SUCLG2: variants seen among roughly 807,000 people sequenced by gnomAD.
SUCLG2 encodes succinate--CoA ligase [GDP-forming] subunit beta, mitochondrial.
In SUCLG2, 42 loss-of-function variants were observed where a neutral mutation model predicts 47.9. That is an observed-to-expected ratio of 0.88 (90% CI 0.69 to 1.14). The LOEUF (loss-of-function observed/expected upper bound fraction) is 1.14. Ranked by LOEUF, SUCLG2 falls within the 50% of genes most tolerant of loss-of-function variation. The probability of loss-of-function intolerance (pLI) is 0.00; values close to 1 mark genes in which losing one functional copy is unlikely to be tolerated. For synonymous variants in SUCLG2, 195 were observed against 197.3 expected (o/e 0.99, Z 0.10); for missense variants, 571 against 525.9 (o/e 1.09, Z -0.84).
intron 9 of SUCLG2, among the ~76,000 whole-genome samples, chr3:67,442,071 C>T (rs1162037341): frequency 1.4e-5 from 2 of 142,524 alleles, no homozygotes; most frequent in Non-Finnish European, 3.0e-5. Flanking sequence ...AGTGCAGTGG[C>T]GGGATCTCAG....
At chr3:67,644,577 A>C (rs1292262294) in intron 1 of SUCLG2, among the ~76,000 whole-genome samples, 3 of 152,242 alleles carry the variant, frequency 2.0e-5, no homozygotes, top group Non-Finnish European at 4.4e-5. Context: ...CTGCATAACA[A>C]TATGAATATA....
At chr3:67,497,988 A>G (rs1705392244) in intron 8 of SUCLG2, 146 bp downstream of exon 8, 1 of 806,836 alleles carries the variant, frequency 1.2e-6, no homozygotes, top group Non-Finnish European at 1.9e-6. Flanking sequence ...AACTTTGAGA[A>G]GAAACTTGGA....
rs148000524 is a variant in SUCLG2 at position 67,541,945 on chromosome 3, T to C, written c.227-12759A>G. On this transcript the variant is annotated intron_variant, in intron 2 of 10. Coordinates refer to ENST00000307227, the MANE Select transcript of SUCLG2 (RefSeq NM_003848.4). ...GTGCAATGGTACAATCTTGGCTCGC[T>C]GCAACCTCCTCCTCCTGGGTTCAAG... 4.4e-3 allele frequency among the ~76,000 whole-genome samples: 669 copies of C among 152,074 alleles called. 8 individuals are homozygous for C. The East Asian group carries it at 0.053, about 12-fold the overall frequency.
chr3:67,401,200 T>C (rs1702677131), intron 9 of SUCLG2, among the ~76,000 whole-genome samples: 1 of 152,168 alleles, frequency 6.6e-6, no homozygotes, highest in Admixed American at 6.5e-5. Context: ...TTTCTTGCAT[T>C]TAGGTTTTTT....
At chr3:67,541,964 G>A (rs568658396) in intron 2 of SUCLG2, among the ~76,000 whole-genome samples, 2 of 152,110 alleles carry the variant, frequency 1.3e-5, no homozygotes, top group East Asian at 3.9e-4. Flanking sequence ...CTCCTCCTGG[G>A]TTCAAGCAGT....
chr3:67,549,811 C>A (rs1706964175), intron 2 of SUCLG2, among the ~76,000 whole-genome samples: 2 of 151,832 alleles, frequency 1.3e-5, no homozygotes, highest in African/African-American at 4.8e-5. Flanking sequence ...AAGATATTAA[C>A]TCTGATTACT....
At chr3:67,598,168 G>C (rs558163407) in intron 2 of SUCLG2, among the ~76,000 whole-genome samples, 42 of 151,940 alleles carry the variant, frequency 2.8e-4, no homozygotes, top group Non-Finnish European at 5.7e-4. Flanking sequence ...TTTTAGTAGA[G>C]ACGGGGTTTC....
chr3:67,477,442 C>G (rs1704793023), intron 9 of SUCLG2, among the ~76,000 whole-genome samples: 1 of 152,208 alleles, frequency 6.6e-6, no homozygotes, highest in Non-Finnish European at 1.5e-5. Flanking sequence ...TGCCTGTAAT[C>G]CCAGCACTTT....
intron 8 of SUCLG2, among the ~76,000 whole-genome samples, chr3:67,497,082 A>T (rs939113409): frequency 6.6e-6 from 1 of 152,190 alleles, no homozygotes; most frequent in African/African-American, 2.4e-5. Context: ...AAATGCCTAC[A>T]AATATTGAGA....
intron 2 of SUCLG2, among the ~76,000 whole-genome samples, chr3:67,580,682 G>A (rs1443825202): frequency 6.6e-6 from 1 of 152,072 alleles, no homozygotes; most frequent in East Asian, 1.9e-4. Flanking sequence ...CGTTACCTAT[G>A]GGTCATAAAA....
chr3:67,637,846 G>T (rs1701035104), intron 1 of SUCLG2, among the ~76,000 whole-genome samples: 1 of 152,142 alleles, frequency 6.6e-6, no homozygotes, highest in Non-Finnish European at 1.5e-5. Flanking sequence ...CTTGCTATAA[G>T]AGGACAGTTA....
chr3:67,556,608 T>C (rs972733749), intron 2 of SUCLG2, among the ~76,000 whole-genome samples: 10 of 152,138 alleles, frequency 6.6e-5, no homozygotes, highest in African/African-American at 2.4e-4. Flanking sequence ...CAAAACATCC[T>C]ACTGTATCTG....
chr3:67,614,396 G>A (rs987119396), intron 1 of SUCLG2, among the ~76,000 whole-genome samples: 8 of 151,400 alleles, frequency 5.3e-5, no homozygotes, highest in African/African-American at 1.9e-4. Context: ...TCCAGCTCCT[G>A]CTATCTCCCC....
intron 8 of SUCLG2, among the ~76,000 whole-genome samples, chr3:67,497,824 T>C (rs759859705): frequency 6.6e-6 from 1 of 152,172 alleles, no homozygotes; most frequent in Non-Finnish European, 1.5e-5. Flanking sequence ...ATGGGTTTAT[T>C]TGTCTTCACA....
chr3:67,610,916 C>T (rs1254270608), intron 1 of SUCLG2, among the ~76,000 whole-genome samples: 1 of 152,192 alleles, frequency 6.6e-6, no homozygotes, highest in Non-Finnish European at 1.5e-5. Context: ...CACTACTAGA[C>T]TGTGTTCCAC....
intron 2 of SUCLG2, among the ~76,000 whole-genome samples, chr3:67,554,552 T>G (rs547424179): frequency 6.6e-6 from 1 of 152,320 alleles, no homozygotes; most frequent in Non-Finnish European, 1.5e-5. Context: ...TTCAGAATTA[T>G]TTTCATTTCC....
At chr3:67,435,134 C>T (rs929560077) in intron 9 of SUCLG2, among the ~76,000 whole-genome samples, 2 of 152,130 alleles carry the variant, frequency 1.3e-5, no homozygotes, top group African/African-American at 4.8e-5. Context: ...GTAGCTACAG[C>T]TGACAAAGGT....
intron 2 of SUCLG2, among the ~76,000 whole-genome samples, chr3:67,536,680 G>A (rs560204526): frequency 6.6e-6 from 1 of 152,192 alleles, no homozygotes; most frequent in Non-Finnish European, 1.5e-5. Flanking sequence ...AGCCAATGCA[G>A]ACTGAAATCA....
intron 2 of SUCLG2, among the ~76,000 whole-genome samples, chr3:67,586,453 G>A (rs373928307): frequency 3.4e-4 from 52 of 152,046 alleles, no homozygotes; most frequent in African/African-American, 1.1e-3. Context: ...CATTGATTTC[G>A]AGAGATCAGA....
Sources: gnomAD v4.1 joint callset for allele counts (sites outside exome capture counted in the v4.1 genomes callset) on GRCh38, gnomAD v4.1.1 for gene constraint, MANE v1.5 for transcripts, NCBI Gene and HGNC (gene_info 2026-07-23, HGNC 2026-07-21) for gene names.